The following OXR1 variants were observed in gnomAD, a reference collection of about 807,000 sequenced individuals.
OXR1 encodes the protein oxidation resistance protein 1.
In OXR1, 41 loss-of-function variants were observed where a neutral mutation model predicts 104.6. The ratio of observed to expected loss-of-function variants is 0.39; its 90% confidence interval spans 0.31 to 0.51. The LOEUF (loss-of-function observed/expected upper bound fraction) is 0.51. Ranked by LOEUF, OXR1 falls within the 20% of genes least tolerant of loss-of-function variation. The pLI, the probability that OXR1 is intolerant of heterozygous loss-of-function variation, is 0.77. For synonymous variants in OXR1, 348 were observed against 348.4 expected, an observed-to-expected ratio of 1.00 and a Z score of 0.01; for missense variants, 955 against 1,031.9, an observed-to-expected ratio of 0.93 and a Z score of 1.02.
At chr8:106,686,833 GA>G (rs1286989711) in intron 6 of OXR1, among the ~76,000 whole-genome samples, 2 of 152,046 alleles carry the variant, frequency 1.3e-5, no homozygotes, top group Non-Finnish European at 2.9e-5. Context: ...AATTTCCATG[GA>G]AAACTATTTT....
chr8:106,446,720 C>T (rs1345800167), intron 2 of OXR1, among the ~76,000 whole-genome samples: 1 of 151,802 alleles, frequency 6.6e-6, no homozygotes, highest in Non-Finnish European at 1.5e-5. Flanking sequence ...TGCTTAGGGC[C>T]AGGAGTTCAA....
At chr8:106,415,547 G>A (rs1431123716) in intron 2 of OXR1, among the ~76,000 whole-genome samples, 1 of 149,580 alleles carries the variant, frequency 6.7e-6, no homozygotes, top group East Asian at 2.0e-4. Context: ...ATGCATGCAA[G>A]GGCAGGAGAC....
At chr8:106,616,569 T>C (rs534630758) in intron 3 of OXR1, among the ~76,000 whole-genome samples, 1 of 152,320 alleles carries the variant, frequency 6.6e-6, no homozygotes, top group African/African-American at 2.4e-5. Context: ...TATATCATTT[T>C]CCTGCAAAAG....
intron 3 of OXR1, among the ~76,000 whole-genome samples, chr8:106,673,129 A>T (rs1827217082): frequency 6.6e-6 from 1 of 152,208 alleles, no homozygotes. Flanking sequence ...AGACAGGAAG[A>T]TGTGGGAAAG....
At chr8:106,309,281 A>G (rs1408369850) in intron 1 of OXR1, among the ~76,000 whole-genome samples, 1 of 152,154 alleles carries the variant, frequency 6.6e-6, no homozygotes, top group Non-Finnish European at 1.5e-5. Context: ...GCTCCCAGCT[A>G]AATTCTTATA....
At chr8:106,549,176 TTA>T (rs2130391742) in intron 3 of OXR1, among the ~76,000 whole-genome samples, 1 of 152,258 alleles carries the variant, frequency 6.6e-6, no homozygotes, top group South Asian at 2.1e-4. Context: ...AAGGAAATTC[TTA>T]TGTCACAAAT....
chr8:106,629,418 A>C (rs551135793), intron 3 of OXR1, among the ~76,000 whole-genome samples: 1 of 152,290 alleles, frequency 6.6e-6, no homozygotes, highest in South Asian at 2.1e-4. Context: ...AAGTTCTATG[A>C]ATAGGGCTTG....
At chr8:106,382,682 GTTTTTTTTTT>G (rs35296978) in intron 2 of OXR1, among the ~76,000 whole-genome samples, 3 of 86,190 alleles carry the variant, frequency 3.5e-5, no homozygotes, top group South Asian at 5.3e-4. Flanking sequence ...AGAACTATAG[GTTTTTTTTTT>G]TTTTTTTTTT....
chr8:106,381,553 C>A (rs1251267565), intron 2 of OXR1, among the ~76,000 whole-genome samples: 1 of 152,062 alleles, frequency 6.6e-6, no homozygotes, highest in African/African-American at 2.4e-5. Flanking sequence ...GCCATTGGGT[C>A]ACCTCTTAGA....
chr8:106,739,496 T>C lies in OXR1; in HGVS notation c.2076T>C (p.Ala692=). The C allele has an allele frequency of 1.2e-6, 2 of 1,612,758 alleles. No homozygotes were observed. The highest frequency in any genetic ancestry group is 1.7e-6 in the Non-Finnish European group (2 of 1,178,928). Residue 692 remains alanine (A), a synonymous_variant, in exon 13 of 17, where the codon GCT becomes GCC. Coordinates refer to ENST00000517566, the MANE Select transcript of OXR1 (RefSeq NM_001198533.2). The part of the protein sequence containing the change: ...TREDINSKQV[A]TVKADLESES... ...AAGACATAAATTCAAAGCAGGTTGC[T>C]ACAGTGAAAGCAGACCTGGAGTCTG...
At chr8:106,429,218 A>C (rs1358574597) in intron 2 of OXR1, among the ~76,000 whole-genome samples, 2 of 151,978 alleles carry the variant, frequency 1.3e-5, no homozygotes, top group African/African-American at 4.8e-5. Context: ...GGCTGCTCTG[A>C]GTTGGCCCCC....
At chr8:106,719,292 T>A (rs531991776) in intron 11 of OXR1, among the ~76,000 whole-genome samples, 1 of 152,358 alleles carries the variant, frequency 6.6e-6, no homozygotes, top group South Asian at 2.1e-4. Context: ...TGAGGCAGAA[T>A]GCCTATTGAC....
At chr8:106,400,433 G>A (rs980410091) in intron 2 of OXR1, among the ~76,000 whole-genome samples, 1 of 152,002 alleles carries the variant, frequency 6.6e-6, no homozygotes, top group African/African-American at 2.4e-5. Context: ...TCCCAAAAGA[G>A]GATGAAACAC....
At chr8:106,712,127 G>A (rs769178783) in intron 10 of OXR1, among the ~76,000 whole-genome samples, 68 of 152,060 alleles carry the variant, frequency 4.5e-4, no homozygotes, top group Non-Finnish European at 6.8e-4. Context: ...AGAAAAGTCA[G>A]TGAGACTGAA....
intron 7 of OXR1, chr8:106,697,983 C>T: frequency 6.2e-7 from 1 of 1,613,048 alleles, no homozygotes. Flanking sequence ...CCTCCTGGCT[C>T]AGGCCATAAT....
chr8:106,387,120 A>T (rs1586592290), intron 2 of OXR1, among the ~76,000 whole-genome samples: 1 of 152,212 alleles, frequency 6.6e-6, no homozygotes, highest in African/African-American at 2.4e-5. Context: ...AAGAGTTTTT[A>T]AAAAATGAGA....
chr8:106,465,539 A>G (rs780394139), intron 2 of OXR1, among the ~76,000 whole-genome samples: 4 of 152,036 alleles, frequency 2.6e-5, no homozygotes, highest in Non-Finnish European at 5.9e-5. Flanking sequence ...CAGAGAGACC[A>G]GGTAAGAGAT....
chr8:106,281,518 A>C (rs1024903076), intron 1 of OXR1, among the ~76,000 whole-genome samples: 5 of 152,182 alleles, frequency 3.3e-5, no homozygotes, highest in African/African-American at 1.2e-4. Flanking sequence ...TAAGACAGTT[A>C]TATGCCAGGT....
intron 2 of OXR1, among the ~76,000 whole-genome samples, chr8:106,486,765 T>A (rs1006183321): frequency 6.6e-6 from 1 of 152,052 alleles, no homozygotes; most frequent in Admixed American, 6.6e-5. Context: ...TCATTTGTTA[T>A]TTAGGAAGAA....
Sources: allele counts gnomAD v4.1 joint callset (sites outside exome capture counted in the v4.1 genomes callset), GRCh38; gene constraint gnomAD v4.1.1; transcripts MANE v1.5; gene names NCBI Gene and HGNC (gene_info 2026-07-23, HGNC 2026-07-21).